The following ITPR2 variants were observed in gnomAD, a reference collection of about 807,000 sequenced individuals.
ITPR2 encodes the protein inositol 1,4,5-trisphosphate receptor type 2, also known as inositol 1,4,5-trisphosphate-gated calcium channel ITPR2.
ITPR2 carries 207 observed loss-of-function variants against 317.1 expected under a neutral mutation model. The observed-to-expected ratio is 0.65, with a 90% CI of 0.58 to 0.73. The LOEUF (loss-of-function observed/expected upper bound fraction) is 0.73. Among genes scored for constraint, ITPR2 ranks in the 30% least tolerant of loss-of-function variants. The probability of loss-of-function intolerance (pLI) is 0.00; values close to 1 mark genes in which losing one functional copy is unlikely to be tolerated. For missense variants in ITPR2, 2,613 were observed against 3,284.0 expected, an observed-to-expected ratio of 0.80 and a Z score of 4.99; for synonymous variants, 1,156 against 1,149.1, an observed-to-expected ratio of 1.01 and a Z score of -0.12.
At chr12:26,717,571 T>C (rs1327140472) in intron 5 of ITPR2, among the ~76,000 whole-genome samples, 2 of 152,182 alleles carry the variant, frequency 1.3e-5, no homozygotes, top group African/African-American at 2.4e-5. Context: ...AAGCTCTCTA[T>C]ATACAGTTAA....
chr12:26,554,875 C>T (rs558571833), intron 36 of ITPR2, among the ~76,000 whole-genome samples: 3 of 151,964 alleles, frequency 2.0e-5, no homozygotes, highest in Admixed American at 6.6e-5. Context: ...GGGCTTTCAA[C>T]GTACCCATCA....
chr12:26,673,028 G>A (rs1391298388), intron 13 of ITPR2, among the ~76,000 whole-genome samples: 1 of 152,152 alleles, frequency 6.6e-6, no homozygotes. Context: ...CCAATAACAG[G>A]AGCTGAAATT....
intron 34 of ITPR2, 111 bp downstream of exon 34, chr12:26,578,602 A>C: frequency 1.1e-6 from 1 of 942,438 alleles, no homozygotes; most frequent in Non-Finnish European, 1.6e-6. Context: ...AACAGAAAAC[A>C]TACTGGTTTT....
chr12:26,806,728 CAG>C (rs2137254906), intron 1 of ITPR2, among the ~76,000 whole-genome samples: 1 of 152,228 alleles, frequency 6.6e-6, no homozygotes, highest in East Asian at 1.9e-4. Context: ...TTTGTAGAGA[CAG>C]GGTTTCGCCA....
intron 37 of ITPR2, among the ~76,000 whole-genome samples, chr12:26,530,287 T>A (rs1565583701): frequency 6.6e-6 from 1 of 152,190 alleles, no homozygotes; most frequent in Non-Finnish European, 1.5e-5. Context: ...ACACTTATTC[T>A]GGAATTTTCT....
intron 37 of ITPR2, among the ~76,000 whole-genome samples, chr12:26,508,440 C>T (rs1943245923): frequency 6.6e-6 from 1 of 151,986 alleles, no homozygotes; most frequent in South Asian, 2.1e-4. Context: ...CAGTGTTTTC[C>T]CTTTTTCATG....
intron 48 of ITPR2, among the ~76,000 whole-genome samples, chr12:26,435,646 T>A (rs1941332957): frequency 1.3e-5 from 2 of 152,224 alleles, no homozygotes; most frequent in South Asian, 4.1e-4. Flanking sequence ...ATTTTTGCTT[T>A]TGTATTATTA....
At chr12:26,751,612 G>A (rs1369587920) in intron 2 of ITPR2, among the ~76,000 whole-genome samples, 2 of 152,176 alleles carry the variant, frequency 1.3e-5, no homozygotes, top group Admixed American at 6.5e-5. Flanking sequence ...GCTGATGCCT[G>A]TAATCCCAGC....
chr12:26,500,816 C>A (rs950876090), intron 37 of ITPR2, among the ~76,000 whole-genome samples: 1 of 152,076 alleles, frequency 6.6e-6, no homozygotes, highest in Non-Finnish European at 1.5e-5. Context: ...CTAGAAAGGA[C>A]TAAAATTTTG....
intron 1 of ITPR2, among the ~76,000 whole-genome samples, chr12:26,797,944 G>A (rs1021919308): frequency 6.6e-6 from 1 of 151,720 alleles, no homozygotes; most frequent in African/African-American, 2.4e-5. Flanking sequence ...CGCCCACCTC[G>A]GCCTCCCAAA....
intron 21 of ITPR2, among the ~76,000 whole-genome samples, chr12:26,643,047 T>C (rs1291134369): frequency 6.6e-6 from 1 of 152,180 alleles, no homozygotes; most frequent in Non-Finnish European, 1.5e-5. Flanking sequence ...GGAGTCCTCA[T>C]GAATGGGACC....
chr12:26,706,462 C>T (rs895212698), intron 9 of ITPR2, among the ~76,000 whole-genome samples: 2 of 152,110 alleles, frequency 1.3e-5, no homozygotes, highest in Admixed American at 6.5e-5. Flanking sequence ...ACATATGAAA[C>T]GAGTTTGTAT....
At chr12:26,578,649 A>G in intron 34 of ITPR2, 64 bp downstream of exon 34, 3 of 1,485,944 alleles carry the variant, frequency 2.0e-6, no homozygotes, top group Non-Finnish European at 2.8e-6. Flanking sequence ...TGTGTTGCCC[A>G]TTAGCCAAAA....
intron 8 of ITPR2, 72 bp downstream of exon 8, chr12:26,715,226 TA>T: frequency 1.5e-6 from 2 of 1,351,782 alleles, no homozygotes; most frequent in Non-Finnish European, 1.0e-6. Context: ...CCTATAACAA[TA>T]AAACAACAAG....
intron 2 of ITPR2, among the ~76,000 whole-genome samples, chr12:26,734,996 C>CTT (rs5797195): frequency 0.035 from 3,815 of 108,884 alleles, 203 homozygotes; most frequent in East Asian, 0.058. Flanking sequence ...GCAAGCCAGT[C>CTT]TTTTTTTTTT....
At chr12:26,737,454 C>T (rs1303114929) in intron 2 of ITPR2, among the ~76,000 whole-genome samples, 1 of 152,078 alleles carries the variant, frequency 6.6e-6, no homozygotes, top group Non-Finnish European at 1.5e-5. Context: ...TGGGTTTCAC[C>T]ATGTTGGACA....
chr12:26,576,948 T>C (rs1301821060), intron 34 of ITPR2, among the ~76,000 whole-genome samples: 1 of 152,052 alleles, frequency 6.6e-6, no homozygotes, highest in Non-Finnish European at 1.5e-5. Flanking sequence ...TGGGAGTGGG[T>C]TTCTAATAAA....
At chr12:26,726,998 A>G (rs2137053434) in intron 2 of ITPR2, among the ~76,000 whole-genome samples, 1 of 152,296 alleles carries the variant, frequency 6.6e-6, no homozygotes, top group Middle Eastern at 3.4e-3. Context: ...ACTGATATGG[A>G]TAAGTAAATA....
At chr12:26,827,626 C>T (rs1290699612) in intron 1 of ITPR2, among the ~76,000 whole-genome samples, 3 of 152,190 alleles carry the variant, frequency 2.0e-5, no homozygotes, top group Non-Finnish European at 4.4e-5. Flanking sequence ...TCATCCAAAA[C>T]TTATTTACAT....
Sources: gnomAD v4.1 joint callset for allele counts (sites outside exome capture counted in the v4.1 genomes callset) on GRCh38, gnomAD v4.1.1 for gene constraint, MANE v1.5 for transcripts, NCBI Gene and HGNC (gene_info 2026-07-23, HGNC 2026-07-21) for gene names.